Variants in CNTN5 observed in about 807,000 individuals in gnomAD.
CNTN5 encodes contactin-5.
A neutral mutation model predicts 129.1 loss-of-function variants in CNTN5; 77 were observed. The observed-to-expected ratio is 0.60, with a 90% CI of 0.50 to 0.72. The LOEUF (loss-of-function observed/expected upper bound fraction) is 0.72. CNTN5 is among the 30% of genes least tolerant of loss of function. The probability of loss-of-function intolerance (pLI) is 0.00; values close to 1 mark genes in which losing one functional copy is unlikely to be tolerated. For synonymous variants in CNTN5, 509 were observed against 465.6 expected, an observed-to-expected ratio of 1.09 and a Z score of -1.20; for missense variants, 1,478 against 1,328.8, an observed-to-expected ratio of 1.11 and a Z score of -1.75.
intron 1 of CNTN5, among the ~76,000 whole-genome samples, chr11:99,224,186 G>A (rs977328330): frequency 6.6e-6 from 1 of 150,398 alleles, no homozygotes; most frequent in Non-Finnish European, 1.5e-5. Flanking sequence ...TAATTTAGCT[G>A]AGAGAGCTTC....
intron 1 of CNTN5, among the ~76,000 whole-genome samples, chr11:99,276,235 C>T (rs1863421778): frequency 6.6e-6 from 1 of 151,672 alleles, no homozygotes. Flanking sequence ...GTTGAAATGT[C>T]TTTACTTTAG....
intron 13 of CNTN5, among the ~76,000 whole-genome samples, chr11:100,155,336 T>C (rs1316579593): frequency 6.6e-6 from 1 of 152,136 alleles, no homozygotes; most frequent in East Asian, 1.9e-4. Flanking sequence ...GTTGTAGATA[T>C]GTGGTGTTAT....
intron 7 of CNTN5, among the ~76,000 whole-genome samples, chr11:99,955,907 A>G (rs539028325): frequency 6.0e-4 from 92 of 152,296 alleles, no homozygotes; most frequent in Non-Finnish European, 1.1e-3. Context: ...AATCTTGCTT[A>G]GAATCAATGT....
chr11:99,327,695 C>T (rs1428098630), intron 2 of CNTN5, among the ~76,000 whole-genome samples: 3 of 152,200 alleles, frequency 2.0e-5, no homozygotes, highest in Non-Finnish European at 4.4e-5. Context: ...TTAAATAAAA[C>T]GCCATTTCAT....
At position 99,557,535 on chromosome 11, in the gene CNTN5, A is replaced by T. The variant is rs192024063; in HGVS notation, c.55+1266A>T. ...GAAGAAAACTGCAGATTGTCTAAAGAAAAAAGGACTGATAGAAGAACAAAC... is the reference window on the plus strand; with the variant it reads ...GAAGAAAACTGCAGATTGTCTAAAGTAAAAAGGACTGATAGAAGAACAAAC... On this transcript the variant is annotated intron_variant, in intron 3 of 24. Coordinates refer to ENST00000524871, the MANE Select transcript of CNTN5 (RefSeq NM_014361.4). 3.2e-3 allele frequency among the ~76,000 whole-genome samples: 479 copies of T among 151,696 alleles called. 4 individuals are homozygous for T. Among genetic ancestry groups the T allele is most frequent in the African/African-American group, 0.011 (460 of 41,542 alleles).
At chr11:99,117,332 A>C (rs978924625) in intron 1 of CNTN5, among the ~76,000 whole-genome samples, 2 of 152,172 alleles carry the variant, frequency 1.3e-5, no homozygotes, top group African/African-American at 4.8e-5. Context: ...GAGTATTGCC[A>C]TCATCTGAGT....
At chr11:100,122,841 TATC>T (rs1411933349) in intron 13 of CNTN5, among the ~76,000 whole-genome samples, 1 of 152,032 alleles carries the variant, frequency 6.6e-6, no homozygotes, top group African/African-American at 2.4e-5. Flanking sequence ...GGTTTGATAT[TATC>T]ATACTCATGT....
At chr11:99,797,453 A>C (rs1945981475) in intron 3 of CNTN5, among the ~76,000 whole-genome samples, 1 of 152,118 alleles carries the variant, frequency 6.6e-6, no homozygotes, top group African/African-American at 2.4e-5. Context: ...ACTTTTTTGA[A>C]TCTGTAATAA....
At chr11:99,569,241 A>G (rs1167017990) in intron 3 of CNTN5, among the ~76,000 whole-genome samples, 2 of 152,148 alleles carry the variant, frequency 1.3e-5, no homozygotes, top group African/African-American at 4.8e-5. Context: ...TGTTTCATAT[A>G]CAGGACCTAG....
intron 13 of CNTN5, among the ~76,000 whole-genome samples, chr11:100,144,541 C>T (rs765453196): frequency 6.6e-5 from 10 of 152,112 alleles, no homozygotes; most frequent in Non-Finnish European, 1.2e-4. Flanking sequence ...ACCTTCTTGG[C>T]GCATTCAATA....
chr11:99,639,678 C>A (rs1951698383), intron 3 of CNTN5, among the ~76,000 whole-genome samples: 1 of 150,214 alleles, frequency 6.7e-6, no homozygotes, highest in Admixed American at 6.8e-5. Context: ...GATTCCCCTG[C>A]CTCAGCCTCC....
At chr11:100,107,413 C>G (rs1181313685) in intron 13 of CNTN5, among the ~76,000 whole-genome samples, 2 of 150,948 alleles carry the variant, frequency 1.3e-5, no homozygotes, top group Admixed American at 1.3e-4. Flanking sequence ...CTAATTATGA[C>G]AATTCTGGCA....
Position 99,025,250 on chromosome 11 carries a change from G to A in CNTN5, c.-210+3980G>A, listed in dbSNP as rs374184619. 2.6e-5 allele frequency among the ~76,000 whole-genome samples: 4 copies of A among 151,928 alleles called. No homozygotes were observed. In the East Asian group the frequency reaches 5.8e-4, roughly 22 times the overall value. On this transcript the variant is annotated intron_variant, in intron 1 of 24. Coordinates refer to ENST00000524871, the MANE Select transcript of CNTN5 (RefSeq NM_014361.4). ...TCTATGAAAAATATTGTTACAGTTA[G>A]TATCTTTACTAGAAAATATGGAGCC...
At chr11:100,254,168 C>T (rs920857061) in intron 16 of CNTN5, among the ~76,000 whole-genome samples, 4 of 152,048 alleles carry the variant, frequency 2.6e-5, no homozygotes, top group East Asian at 1.9e-4. Context: ...AAAATGATAC[C>T]GTCTAACCAA....
At position 100,100,224 on chromosome 11, in the gene CNTN5, C is replaced by G. The variant is rs1591243300; in HGVS notation, c.1580+25930C>G. Among the ~76,000 whole-genome samples the G allele has an allele frequency of 2.6e-5, 4 of 152,170 alleles. No individual in the cohort carries two copies. The South Asian group carries it at 8.3e-4, about 32-fold the overall frequency. Reference sequence around the variant, plus strand: ...GGATCTGAAGTGCTTTTGTTTGAGGCCCTGTGTTTTTGTGTTTGTGTATGT... The same window carrying G: ...GGATCTGAAGTGCTTTTGTTTGAGGGCCTGTGTTTTTGTGTTTGTGTATGT... On this transcript the variant is annotated intron_variant, in intron 13 of 24. Transcript: ENST00000524871.
chr11:99,201,351 T>TTCCTTCCTTCCTCCCTTCCTTCCTTCC (rs59358470), intron 1 of CNTN5, among the ~76,000 whole-genome samples: 1 of 88,154 alleles, frequency 1.1e-5, no homozygotes, highest in Non-Finnish European at 2.2e-5. Flanking sequence ...CTTCCTTTCC[T>TTCCTTCCTTCCTCCCTTCCTTCCTTCC]TTCCTTCCTT....
At chr11:99,968,915 CT>C (rs1233433384) in intron 8 of CNTN5, among the ~76,000 whole-genome samples, 2 of 151,668 alleles carry the variant, frequency 1.3e-5, no homozygotes, top group African/African-American at 4.8e-5. Context: ...GAAAATTTGG[CT>C]TTTGTTAATC....
At chr11:99,481,495 A>G (rs1313293757) in intron 2 of CNTN5, among the ~76,000 whole-genome samples, 1 of 152,178 alleles carries the variant, frequency 6.6e-6, no homozygotes, top group Non-Finnish European at 1.5e-5. Flanking sequence ...AAATACATTG[A>G]CTTTTAATGA....
At chr11:100,292,589 G>T (rs945686064) in intron 18 of CNTN5, among the ~76,000 whole-genome samples, 3 of 151,966 alleles carry the variant, frequency 2.0e-5, no homozygotes, top group African/African-American at 7.2e-5. Context: ...CTCTATAGTG[G>T]TTGTCTTGCT....
Sources: gnomAD v4.1 joint callset for allele counts (sites outside exome capture counted in the v4.1 genomes callset) on GRCh38, gnomAD v4.1.1 for gene constraint, MANE v1.5 for transcripts, NCBI Gene and HGNC (gene_info 2026-07-23, HGNC 2026-07-21) for gene names.